The following CLVS1 variants were observed in gnomAD, a reference collection of about 807,000 sequenced individuals.
CLVS1 encodes the protein clavesin 1.
A neutral mutation model predicts 33.1 loss-of-function variants in CLVS1; 10 were observed. The observed-to-expected ratio is 0.30, with a 90% CI of 0.19 to 0.51. The LOEUF is 0.51. Among genes scored for constraint, CLVS1 ranks in the 20% least tolerant of loss-of-function variants. CLVS1 has a pLI of 0.97. For missense variants in CLVS1, 343 were observed against 433.4 expected, an observed-to-expected ratio of 0.79 and a Z score of 1.85; for synonymous variants, 163 against 166.1, an observed-to-expected ratio of 0.98 and a Z score of 0.14.
chr8:61,316,298 C>G (rs1175930828), intron 2 of CLVS1, among the ~76,000 whole-genome samples: 1 of 152,184 alleles, frequency 6.6e-6, no homozygotes, highest in Non-Finnish European at 1.5e-5. Flanking sequence ...GACCTTTGCT[C>G]TACAATTGGC....
At chr8:61,374,668 G>T (rs1024102836) in intron 2 of CLVS1, among the ~76,000 whole-genome samples, 2 of 152,128 alleles carry the variant, frequency 1.3e-5, no homozygotes, top group African/African-American at 4.8e-5. Context: ...AATTAAAAGG[G>T]AATATATCTG....
intron 5 of CLVS1, among the ~76,000 whole-genome samples, chr8:61,461,547 A>G (rs1459950540): frequency 6.6e-6 from 1 of 152,218 alleles, no homozygotes; most frequent in Non-Finnish European, 1.5e-5. Flanking sequence ...TGCGTTTTCC[A>G]TGAACTTTGT....
the CLVS1 span, among the ~76,000 whole-genome samples, chr8:61,004,455 C>A: frequency 6.6e-6 from 1 of 152,240 alleles, no homozygotes; most frequent in African/African-American, 2.4e-5. Flanking sequence ...AAGCCAGAGC[C>A]ATGTGAGAGG....
rs569837654 is a variant in CLVS1 at position 61,281,694 on chromosome 8, T to C, written c.-151-17983T>C. On this transcript the variant is annotated intron_variant, in intron 2 of 2. Transcript: ENST00000522621. Reference sequence around the variant, plus strand: ...ACTGGTTCATCTCTTTCTGTATTTCTGCCGCATTTGCATTTCCTACCTCAT... The same window carrying C: ...ACTGGTTCATCTCTTTCTGTATTTCCGCCGCATTTGCATTTCCTACCTCAT... Among the ~76,000 whole-genome samples, 11 of 152,326 alleles carry C rather than the reference T, an allele frequency of 7.2e-5. No homozygotes were observed. In the South Asian group the frequency reaches 2.3e-3, roughly 32 times the overall value.
intron 3 of CLVS1, among the ~76,000 whole-genome samples, chr8:61,397,000 T>C (rs759245398): frequency 2.6e-5 from 4 of 152,196 alleles, no homozygotes; most frequent in Non-Finnish European, 5.9e-5. Context: ...TGTACATCCC[T>C]GTACATATTT....
At chr8:61,156,038 ACT>A (rs1585649455) in intron 2 of CLVS1, among the ~76,000 whole-genome samples, 1 of 152,004 alleles carries the variant, frequency 6.6e-6, no homozygotes, top group Non-Finnish European at 1.5e-5. Flanking sequence ...AAATGGTGAA[ACT>A]CTGTCTCTAC....
chr8:61,007,327 T>C, the CLVS1 span, among the ~76,000 whole-genome samples: 2 of 152,208 alleles, frequency 1.3e-5, no homozygotes, highest in Non-Finnish European at 2.9e-5. Flanking sequence ...TGGAATTCAG[T>C]TCAATTGAAG....
intron 2 of CLVS1, chr8:61,203,079 A>G: frequency 1.5e-6 from 2 of 1,296,920 alleles, no homozygotes; most frequent in Non-Finnish European, 2.2e-6. Context: ...TCTGTAAAAG[A>G]CATTAAAGCA....
chr8:61,193,535 C>G (rs945257054), intron 2 of CLVS1, among the ~76,000 whole-genome samples: 4 of 151,380 alleles, frequency 2.6e-5, no homozygotes, highest in African/African-American at 9.7e-5. Flanking sequence ...AAAAGAAAAA[C>G]TCTTCAAAGC....
At chr8:61,305,166 C>A (rs1034421673) in intron 2 of CLVS1, among the ~76,000 whole-genome samples, 3 of 151,978 alleles carry the variant, frequency 2.0e-5, no homozygotes, top group African/African-American at 7.3e-5. Flanking sequence ...TCAAATCAGG[C>A]AAATACCTAG....
In CLVS1 at chr8:61,127,243, T is replaced by C. The variant is rs1032677731; in HGVS notation, c.-242-4527T>C. Among the ~76,000 whole-genome samples the C allele has an allele frequency of 5.9e-5, 9 of 152,038 alleles. No individual in the cohort carries two copies. The East Asian group carries it at 1.5e-3, about 26-fold the overall frequency. ...TTTTTTTTTTTTTTGAGATGGAGTT[T>C]CGCTCTTGTTGCCCAGGCTGGAGTG... On this transcript the variant is annotated intron_variant, in intron 1 of 2. Coordinates refer to the CLVS1 transcript ENST00000522621.
chr8:61,277,639 G>A (rs1388672483), intron 2 of CLVS1, among the ~76,000 whole-genome samples: 5 of 152,120 alleles, frequency 3.3e-5, no homozygotes, highest in Non-Finnish European at 5.9e-5. Context: ...GCTTGGGGGG[G>A]TAGGGAAGAA....
At chr8:61,286,984 C>T (rs1040322938), upstream of CLVS1, among the ~76,000 whole-genome samples, 2 of 152,102 alleles carry the variant, frequency 1.3e-5, no homozygotes, top group South Asian at 2.1e-4. Context: ...AAAATTAATG[C>T]TTTTTTATTT....
chr8:61,426,594 G>A (rs541950716), intron 3 of CLVS1, among the ~76,000 whole-genome samples: 6 of 152,166 alleles, frequency 3.9e-5, no homozygotes, highest in African/African-American at 7.2e-5. Context: ...GTGGAGGATC[G>A]GGCCCCTGCC....
chr8:60,980,473 A>G, the CLVS1 span, among the ~76,000 whole-genome samples: 1 of 152,186 alleles, frequency 6.6e-6, no homozygotes, highest in Admixed American at 6.5e-5. Context: ...AATTCCTGGA[A>G]CACATAAATG....
At chr8:61,356,890 A>G (rs949268223) in intron 2 of CLVS1, among the ~76,000 whole-genome samples, 5 of 152,118 alleles carry the variant, frequency 3.3e-5, no homozygotes, top group East Asian at 3.9e-4. Flanking sequence ...TTGACTTGGC[A>G]ATGCGGGCTC....
intron 2 of CLVS1, among the ~76,000 whole-genome samples, chr8:61,141,281 A>C (rs1806304104): frequency 6.6e-6 from 1 of 152,166 alleles, no homozygotes; most frequent in Non-Finnish European, 1.5e-5. Flanking sequence ...AAGGCCATAA[A>C]ATAAACATTG....
At chr8:61,309,453 T>C (rs928509350) in intron 2 of CLVS1, among the ~76,000 whole-genome samples, 2 of 152,188 alleles carry the variant, frequency 1.3e-5, no homozygotes, top group African/African-American at 4.8e-5. Context: ...TCCAAACCCC[T>C]CAGGCATTAA....
At chr8:61,119,355 G>A (rs905536240) in intron 1 of CLVS1, among the ~76,000 whole-genome samples, 6 of 151,200 alleles carry the variant, frequency 4.0e-5, no homozygotes, top group Non-Finnish European at 7.4e-5. Flanking sequence ...TTTAATTGGA[G>A]CATTTAGTCC....
Sources: gnomAD v4.1 joint callset for allele counts (sites outside exome capture counted in the v4.1 genomes callset) on GRCh38, gnomAD v4.1.1 for gene constraint, MANE v1.5 for transcripts, NCBI Gene and HGNC (gene_info 2026-07-23, HGNC 2026-07-21) for gene names.